FLT3: variants seen among roughly 807,000 people sequenced by gnomAD.
FLT3 encodes the protein fms related receptor tyrosine kinase 3.
In FLT3, 46 loss-of-function variants were observed where a neutral mutation model predicts 126.6. The ratio of observed to expected loss-of-function variants is 0.36; its 90% CI spans 0.29 to 0.46. FLT3 has a LOEUF of 0.46. Ranked by LOEUF, FLT3 falls within the 20% of genes least tolerant of loss-of-function variation. The pLI, the probability that FLT3 is intolerant of heterozygous loss-of-function variation, is 1.00. For missense variants in FLT3, 1,069 were observed against 1,190.3 expected, an observed-to-expected ratio of 0.90 and a Z score of 1.50; for synonymous variants, 404 against 434.4, an observed-to-expected ratio of 0.93 and a Z score of 0.87.
At chr13:28,085,807 T>C (rs1046303490) in intron 1 of FLT3, among the ~76,000 whole-genome samples, 19 of 152,142 alleles carry the variant, frequency 1.2e-4, no homozygotes, top group African/African-American at 4.3e-4. Context: ...TTTAACCTAT[T>C]TGTGTCTTCA....
At chr13:28,083,111 G>A (rs1878443911) in intron 1 of FLT3, among the ~76,000 whole-genome samples, 1 of 152,250 alleles carries the variant, frequency 6.6e-6, no homozygotes, top group South Asian at 2.1e-4. Flanking sequence ...AAAGTGCTGG[G>A]ATTACAGGCA....
intron 2 of FLT3, 88 bp from the exon 3 acceptor site, chr13:28,062,157 G>A: frequency 1.0e-6 from 1 of 976,280 alleles, no homozygotes; most frequent in East Asian, 2.4e-5. Context: ...TCAAACATAT[G>A]CATGCTGACA....
chr13:28,047,277 G>A (rs1401385852), intron 9 of FLT3, among the ~76,000 whole-genome samples: 10 of 152,176 alleles, frequency 6.6e-5, no homozygotes, highest in African/African-American at 2.4e-4. Context: ...TAACATGTGC[G>A]TCTCAGTGTC....
At position 28,091,850 on chromosome 13, in the gene FLT3, G is replaced by A. The variant is rs901385698; in HGVS notation, c.43+8618C>T. Reference sequence around the variant, plus strand: ...TTTGGGAGGCCAAGGCAGGTGGATCGCTTGACGTCAGGAGTTCGAAACCAG... The same window carrying A: ...TTTGGGAGGCCAAGGCAGGTGGATCACTTGACGTCAGGAGTTCGAAACCAG... On this transcript the variant is annotated intron_variant, in intron 1 of 23. Coordinates refer to ENST00000241453, the MANE Select transcript of FLT3 (RefSeq NM_004119.3). Among the ~76,000 whole-genome samples the A allele has an allele frequency of 7.9e-5, 12 of 152,054 alleles. No homozygotes were observed. The East Asian group carries it at 9.8e-4, about 12-fold the overall frequency.
rs551340948 is a variant in FLT3 at position 28,070,135 on chromosome 13, G to A, written c.165+356C>T. ...CTCAAAAATATACAGAATCTGCATA[G>A]GTTACATGCAAATACCAAGCCATTT... On this transcript the variant is annotated intron_variant, in intron 2 of 23. Transcript: ENST00000241453. Among the ~76,000 whole-genome samples the A allele has an allele frequency of 1.1e-4, 16 of 152,222 alleles. No homozygotes were observed. In the South Asian group the frequency reaches 3.1e-3, roughly 30 times the overall value.
chr13:28,040,308 G>A (rs1467303945), intron 9 of FLT3, among the ~76,000 whole-genome samples: 4 of 151,878 alleles, frequency 2.6e-5, no homozygotes, highest in African/African-American at 9.7e-5. Flanking sequence ...TTGTTTAATG[G>A]AGGAGAATGG....
intron 15 of FLT3, among the ~76,000 whole-genome samples, chr13:28,029,258 G>C (rs60601341): frequency 0.15 from 23,374 of 152,120 alleles, 3,726 homozygotes; most frequent in African/African-American, 0.41. Flanking sequence ...CGGGCGTGCC[G>C]GTGCGTACCT....
chr13:28,058,297 C>G lies in FLT3; in HGVS notation c.369-835G>C, dbSNP rs549695628. ...TGGGAGGCTGAAGTGGGTGGATCAC[C>G]TGAGGTCGGGAATTCAAGACCAGCC... On this transcript the variant is annotated intron_variant, in intron 3 of 23. Transcript: ENST00000241453. 2.1e-4 allele frequency among the ~76,000 whole-genome samples: 32 copies of G among 151,254 alleles called. 1 individual carries two copies. The South Asian group carries it at 6.5e-3, about 31-fold the overall frequency.
At chr13:28,027,021 G>A in intron 17 of FLT3, 67 bp downstream of exon 17, 1 of 1,427,766 alleles carries the variant, frequency 7.0e-7, no homozygotes, top group Non-Finnish European at 9.7e-7. Flanking sequence ...AACGAAGTGT[G>A]TTTGAACAGC....
chr13:28,083,687 T>C (rs1878471491), intron 1 of FLT3, among the ~76,000 whole-genome samples: 1 of 152,238 alleles, frequency 6.6e-6, no homozygotes, highest in South Asian at 2.1e-4. Context: ...ATTTAGCTTA[T>C]CAATTTTTCT....
chr13:28,035,710 G>A, intron 11 of FLT3, 37 bp from the exon 12 acceptor site: 1 of 1,570,668 alleles, frequency 6.4e-7, no homozygotes, highest in Non-Finnish European at 8.6e-7. Flanking sequence ...AGACAGGTGA[G>A]CTGTCATCAG....
intron 1 of FLT3, among the ~76,000 whole-genome samples, chr13:28,082,995 C>T (rs539987604): frequency 2.6e-5 from 4 of 151,362 alleles, no homozygotes; most frequent in South Asian, 4.2e-4. Flanking sequence ...CATGAGCCAC[C>T]GCGCCTGGCC....
chr13:28,028,511 A>G (rs1873016952), intron 15 of FLT3, among the ~76,000 whole-genome samples: 1 of 152,096 alleles, frequency 6.6e-6, no homozygotes, highest in African/African-American at 2.4e-5. Flanking sequence ...GGCCTGGCCA[A>G]TATGGTGAAA....
At chr13:28,053,415 TGAAAGA>T (rs1875727080) in intron 4 of FLT3, among the ~76,000 whole-genome samples, 2 of 150,464 alleles carry the variant, frequency 1.3e-5, no homozygotes, top group African/African-American at 4.9e-5. Flanking sequence ...TATATATATA[TGAAAGA>T]ATATATGGAG....
rs1875090566 is a variant in FLT3 at position 28,048,351 on chromosome 13, G to A, written c.1129C>T (p.Pro377Ser). The A allele has an allele frequency of 6.2e-7, 1 of 1,613,532 alleles. No individual in the cohort carries two copies. Residue 377 changes from proline (P) to serine (S), a missense_variant, in exon 9 of 24, where the codon CCA (proline) becomes TCA (serine). Physicochemically the swap from Pro to Ser is moderately conservative, Grantham distance 74 (BLOSUM62 -1). Transcript: ENST00000241453. ...AAGGTCCACGTACATCTGATTTGTGGGTAGGCTTTAAACCTGACAGAAAAA... is the reference window on the plus strand; with the variant it reads ...AAGGTCCACGTACATCTGATTTGTGAGTAGGCTTTAAACCTGACAGAAAAA... ...FCFSVRFKAY[P>S]QIRCTWTFSR...
intron 19 of FLT3, among the ~76,000 whole-genome samples, chr13:28,020,118 C>T (rs1414839477): frequency 6.6e-6 from 1 of 152,164 alleles, no homozygotes; most frequent in African/African-American, 2.4e-5. Flanking sequence ...AAAACTCCTC[C>T]TGATTCCATG....
intron 3 of FLT3, among the ~76,000 whole-genome samples, chr13:28,061,469 C>T (rs1351514574): frequency 6.6e-6 from 1 of 151,976 alleles, no homozygotes; most frequent in Non-Finnish European, 1.5e-5. Context: ...ATAAGAGTTA[C>T]AAAAAACAGG....
At chr13:28,095,834 T>A (rs1002150250) in intron 1 of FLT3, among the ~76,000 whole-genome samples, 3 of 152,074 alleles carry the variant, frequency 2.0e-5, no homozygotes, top group Admixed American at 2.0e-4. Context: ...ACCGTGGATA[T>A]GTTGTTGAAG....
At chr13:28,023,311 TC>T (rs761173782) in intron 19 of FLT3, 38 bp downstream of exon 19, 8 of 1,057,404 alleles carry the variant, frequency 7.6e-6, no homozygotes, top group East Asian at 2.4e-5. Context: ...TCTTTTCAAA[TC>T]TTTTTTTTGG....
Sources: gnomAD v4.1 joint callset for allele counts (sites outside exome capture counted in the v4.1 genomes callset) on GRCh38, gnomAD v4.1.1 for gene constraint, MANE v1.5 for transcripts, NCBI Gene and HGNC (gene_info 2026-07-23, HGNC 2026-07-21) for gene names.